Variants in HYCC1 observed in about 807,000 individuals in gnomAD.
The protein encoded by HYCC1 is hyccin.
the HYCC1 span, among the ~76,000 whole-genome samples, chr7:22,933,553 T>C: frequency 6.6e-6 from 1 of 152,180 alleles, no homozygotes; most frequent in African/African-American, 2.4e-5. Context: ...TTAAACCTAT[T>C]TGTGTCTTGT....
the HYCC1 span, among the ~76,000 whole-genome samples, chr7:23,001,251 T>A: frequency 6.6e-6 from 1 of 152,168 alleles, no homozygotes; most frequent in East Asian, 1.9e-4. Context: ...GCTGGTAAAT[T>A]AACATAACCT....
the HYCC1 span, among the ~76,000 whole-genome samples, chr7:22,978,753 G>A: frequency 6.6e-6 from 1 of 152,070 alleles, no homozygotes; most frequent in Non-Finnish European, 1.5e-5. Flanking sequence ...GTACATAGGG[G>A]GGCTAAATAA....
At chr7:22,922,798 A>G in the HYCC1 span, among the ~76,000 whole-genome samples, 1 of 152,222 alleles carries the variant, frequency 6.6e-6, no homozygotes, top group Non-Finnish European at 1.5e-5. Flanking sequence ...ACTTTAAAAC[A>G]AAAAAGCACT....
At chr7:22,997,932 T>C in the HYCC1 span, among the ~76,000 whole-genome samples, 19 of 152,184 alleles carry the variant, frequency 1.2e-4, no homozygotes, top group African/African-American at 4.3e-4. Flanking sequence ...CATGTTGGGA[T>C]ATCAGTGTGC....
chr7:22,946,018 C>T, the HYCC1 span: 13 of 1,613,580 alleles, frequency 8.1e-6, no homozygotes, highest in Admixed American at 1.0e-4. Flanking sequence ...GTCTGTGGTT[C>T]TTTCCTATAC....
chr7:22,932,787 TTGAA>T, the HYCC1 span, among the ~76,000 whole-genome samples: 3 of 152,126 alleles, frequency 2.0e-5, no homozygotes, highest in South Asian at 2.1e-4. Flanking sequence ...CTGTATGGGA[TTGAA>T]TGATGATCCC....
At chr7:22,962,403 C>T in the HYCC1 span, among the ~76,000 whole-genome samples, 8 of 152,096 alleles carry the variant, frequency 5.3e-5, no homozygotes, top group South Asian at 1.7e-3. Flanking sequence ...GAGAAAACTG[C>T]CCTTGATGGT....
chr7:22,994,520 CTG>C, the HYCC1 span, among the ~76,000 whole-genome samples: 1 of 152,054 alleles, frequency 6.6e-6, no homozygotes, highest in Non-Finnish European at 1.5e-5. Context: ...ATTTCATAAA[CTG>C]TACATTTTTC....
At chr7:22,961,006 G>C in the HYCC1 span, among the ~76,000 whole-genome samples, 2 of 152,182 alleles carry the variant, frequency 1.3e-5, no homozygotes, top group Non-Finnish European at 2.9e-5. Context: ...AGCCGAGATC[G>C]TGCCATTGCA....
the HYCC1 span, among the ~76,000 whole-genome samples, chr7:22,996,014 G>C: frequency 2.0e-5 from 3 of 152,098 alleles, no homozygotes; most frequent in African/African-American, 7.2e-5. Context: ...AGAAAGTATG[G>C]CTGGGTGCGG....
the HYCC1 span, among the ~76,000 whole-genome samples, chr7:22,919,539 A>G: frequency 6.6e-6 from 1 of 152,282 alleles, no homozygotes; most frequent in East Asian, 1.9e-4. Context: ...AAAAAAAATT[A>G]GTAAAGGAAG....
chr7:22,945,967 A>T, the HYCC1 span: 2 of 1,613,598 alleles, frequency 1.2e-6, no homozygotes, highest in African/African-American at 1.3e-5. Flanking sequence ...ATTCCCCTGT[A>T]GTTTCTTTTT....
the HYCC1 span, among the ~76,000 whole-genome samples, chr7:22,905,308 G>A: frequency 2.7e-5 from 4 of 150,750 alleles, no homozygotes; most frequent in African/African-American, 7.3e-5. Flanking sequence ...AGGTTCAAGC[G>A]ATTCTCCTGT....
At chr7:22,978,805 T>A in the HYCC1 span, among the ~76,000 whole-genome samples, 1 of 152,178 alleles carries the variant, frequency 6.6e-6, no homozygotes, top group Non-Finnish European at 1.5e-5. Flanking sequence ...GTAACCATGA[T>A]TAATTGGCCC....
chr7:22,978,406 T>G, the HYCC1 span: 3 of 1,613,896 alleles, frequency 1.9e-6, no homozygotes, highest in Admixed American at 5.0e-5. Flanking sequence ...TCCTCTCCAC[T>G]GCGATAGAAT....
At chr7:22,971,343 C>T in the HYCC1 span, among the ~76,000 whole-genome samples, 2 of 148,702 alleles carry the variant, frequency 1.3e-5, no homozygotes, top group Admixed American at 6.7e-5. Flanking sequence ...TTATTATTAT[C>T]GGATCTCCAG....
chr7:22,980,518 T>C, the HYCC1 span, among the ~76,000 whole-genome samples: 1 of 152,126 alleles, frequency 6.6e-6, no homozygotes, highest in Non-Finnish European at 1.5e-5. Context: ...CTAAGAGAGA[T>C]TTCTAGTGGT....
the HYCC1 span, chr7:22,936,896 A>G: frequency 6.6e-6 from 1 of 152,202 alleles, no homozygotes; most frequent in African/African-American, 2.4e-5. Context: ...AATGTATATT[A>G]TGTCCTATTG....
chr7:22,942,481 C>T, the HYCC1 span: 1 of 152,124 alleles, frequency 6.6e-6, no homozygotes, highest in African/African-American at 2.4e-5. Flanking sequence ...ATTTTTGTTT[C>T]TCTCCCCACT....
Sources: gnomAD v4.1 joint callset for allele counts (sites outside exome capture counted in the v4.1 genomes callset) on GRCh38, gnomAD v4.1.1 for gene constraint, MANE v1.5 for transcripts, NCBI Gene and HGNC (gene_info 2026-07-23, HGNC 2026-07-21) for gene names.